C1orf54: variants seen among roughly 807,000 people sequenced by gnomAD.
The protein encoded by C1orf54 is uncharacterized protein C1orf54.
In C1orf54, 12 loss-of-function variants were observed where a neutral mutation model predicts 14.7. The ratio of observed to expected loss-of-function variants is 0.82; its 90% CI spans 0.52 to 1.32. The LOEUF (loss-of-function observed/expected upper bound fraction) is 1.32. C1orf54 is among the 40% of genes most tolerant of loss of function. The pLI is 0.00. For synonymous variants in C1orf54, 65 were observed against 56.3 expected, an observed-to-expected ratio of 1.16 and a Z score of -0.70; for missense variants, 163 against 162.2, an observed-to-expected ratio of 1.00 and a Z score of -0.03.
At chr1:150,280,611 G>T (rs950174697) in intron 5 of C1orf54, among the ~76,000 whole-genome samples, 2 of 152,158 alleles carry the variant, frequency 1.3e-5, no homozygotes, top group South Asian at 4.1e-4. Context: ...TATAGGAAAA[G>T]AATTTTTAAA....
In C1orf54 at chr1:150,274,188, T is replaced by C; in HGVS notation, c.130+18T>C. 1 of 1,572,592 alleles carries C rather than the reference T, an allele frequency of 6.4e-7. No homozygotes were observed. Among genetic ancestry groups the C allele is most frequent in the Non-Finnish European group, 8.7e-7 (1 of 1,143,130 alleles). ...CAGTTATGGTGAGTACATGAAAGGC[T>C]CTTGCCCTTAGCCAACTGGAGAGAG... On this transcript the variant is annotated intron_variant, in intron 2 of 5. Transcript: ENST00000369099.
upstream of C1orf54, among the ~76,000 whole-genome samples, chr1:150,269,878 A>T (rs1553850933): frequency 6.6e-6 from 1 of 152,140 alleles, no homozygotes; most frequent in African/African-American, 2.4e-5. Flanking sequence ...CTCTACTAAA[A>T]ATACAAAAAT....
chr1:150,269,934 G>A (rs781978242), upstream of C1orf54, among the ~76,000 whole-genome samples: 2 of 152,182 alleles, frequency 1.3e-5, no homozygotes, highest in Non-Finnish European at 2.9e-5. Flanking sequence ...CTACCTGGGA[G>A]GCTGAGGGGC....
intron 3 of C1orf54, 51 bp from the exon 4 acceptor site, chr1:150,276,471 T>C (rs1312061892): frequency 2.1e-6 from 3 of 1,438,984 alleles, no homozygotes; most frequent in Non-Finnish European, 2.9e-6. Context: ...TATGAAGATG[T>C]TGGATGGAAA....
At chr1:150,273,003 T>G in intron 1 of C1orf54, 140 bp downstream of exon 1, 1 of 957,482 alleles carries the variant, frequency 1.0e-6, no homozygotes, top group Non-Finnish European at 1.6e-6. Flanking sequence ...GGTCCGGTGT[T>G]GAGGGCAGAA....
intron 4 of C1orf54, among the ~76,000 whole-genome samples, chr1:150,277,364 G>A (rs587712152): frequency 1.3e-5 from 2 of 151,958 alleles, no homozygotes; most frequent in African/African-American, 4.8e-5. Context: ...TTAGCCAGGC[G>A]TGGTGGTGCG....
upstream of C1orf54, among the ~76,000 whole-genome samples, chr1:150,270,832 TAAA>T (rs1652152041): frequency 6.6e-6 from 1 of 150,510 alleles, no homozygotes; most frequent in Non-Finnish European, 1.5e-5. Flanking sequence ...CCGTTTCTAC[TAAA>T]AATACAAAAA....
At chr1:150,269,870 C>G (rs1333096607), upstream of C1orf54, among the ~76,000 whole-genome samples, 1 of 152,028 alleles carries the variant, frequency 6.6e-6, no homozygotes, top group Non-Finnish European at 1.5e-5. Context: ...AACCCCATCT[C>G]TACTAAAAAT....
In C1orf54 at chr1:150,276,586, C is replaced by T. The variant is rs782438074; in HGVS notation, c.254C>T (p.Ala85Val). ...ETTISLETARADHPKPVTVKP... is the reference protein window; with the variant it reads ...ETTISLETARVDHPKPVTVKP... Reference sequence around the variant, plus strand: ...ACCATTAGTCTTGAAACAGCACGTGCAGACCATCCGAAGCCTGTAACTGTG... The same window carrying T: ...ACCATTAGTCTTGAAACAGCACGTGTAGACCATCCGAAGCCTGTAACTGTG... Residue 85 changes from alanine (A) to valine (V), a missense_variant, in exon 4 of 6, where the codon GCA becomes GTA. Ala to Val is a moderately conservative substitution (Grantham distance 64). Transcript: ENST00000369099. The T allele has an allele frequency of 6.2e-6, 10 of 1,613,948 alleles. No homozygotes were observed. Among genetic ancestry groups the T allele is most frequent in the Non-Finnish European group, 8.5e-6 (10 of 1,180,026 alleles).
At position 150,279,640 on chromosome 1, in the gene C1orf54, C is replaced by A; in HGVS notation, c.301-3C>A. 1.2e-6 allele frequency: 2 copies of A among 1,604,708 alleles called. No homozygotes were observed. The highest frequency in any genetic ancestry group is 1.7e-6 in the Non-Finnish European group (2 of 1,175,534). Reference sequence around the variant, plus strand: ...CTGTGTGGGGATGTCGGTATTTTAGCAGAGTCCAGATCTGAACGATGCCGT... The same window carrying A: ...CTGTGTGGGGATGTCGGTATTTTAGAAGAGTCCAGATCTGAACGATGCCGT... On this transcript the variant is annotated splice_region_variant and splice_polypyrimidine_tract_variant and intron_variant, in intron 4 of 5. Coordinates refer to ENST00000369099, the MANE Select transcript of C1orf54 (RefSeq NM_024579.4).
upstream of C1orf54, among the ~76,000 whole-genome samples, chr1:150,270,897 G>A (rs1553851153): frequency 3.3e-5 from 5 of 150,214 alleles, no homozygotes; most frequent in Admixed American, 2.0e-4. Context: ...TCAGGAGGCT[G>A]AGGCAGGAGA....
chr1:150,273,622 C>T (rs1652387201), intron 1 of C1orf54, among the ~76,000 whole-genome samples: 1 of 152,134 alleles, frequency 6.6e-6, no homozygotes, highest in Non-Finnish European at 1.5e-5. Flanking sequence ...ATTCTGTTAG[C>T]AGTGAAGGTG....
intron 1 of C1orf54, 85 bp downstream of exon 1, chr1:150,272,948 A>G (rs1190012124): frequency 1.2e-5 from 17 of 1,451,760 alleles, no homozygotes; most frequent in Non-Finnish European, 1.6e-5. Flanking sequence ...AGTGGGTGAG[A>G]GGTACATTTC....
chr1:150,276,694 A>G, intron 4 of C1orf54, 62 bp downstream of exon 4: 2 of 1,300,292 alleles, frequency 1.5e-6, no homozygotes, highest in Non-Finnish European at 2.2e-6. Flanking sequence ...CGTGGAATAC[A>G]TAGAGGGCTG....
chr1:150,278,774 G>A (rs1231287284), intron 4 of C1orf54, among the ~76,000 whole-genome samples: 1 of 152,164 alleles, frequency 6.6e-6, no homozygotes, highest in Non-Finnish European at 1.5e-5. Flanking sequence ...CTAGATTTTT[G>A]TGGAGTTAAA....
intron 2 of C1orf54, among the ~76,000 whole-genome samples, chr1:150,275,224 G>C (rs1468191523): frequency 6.6e-6 from 1 of 152,052 alleles, no homozygotes; most frequent in Non-Finnish European, 1.5e-5. Flanking sequence ...CTTTAGTAGA[G>C]ACAAGGTGTC....
intron 1 of C1orf54, 101 bp downstream of exon 1, chr1:150,272,964 G>A (rs1553851589): frequency 1.5e-6 from 2 of 1,309,748 alleles, no homozygotes; most frequent in Admixed American, 1.7e-5. Context: ...ATTTCAGTGG[G>A]GAGCGATAGA....
chr1:150,276,592 A>C lies in C1orf54; in HGVS notation c.260A>C (p.His87Pro). 3.7e-6 allele frequency: 6 copies of C among 1,614,200 alleles called. No individual in the cohort carries two copies. Among genetic ancestry groups the C allele is most frequent in the Non-Finnish European group, 5.1e-6 (6 of 1,180,040 alleles). The change falls in exon 4 of 6, where the codon CAT becomes CCT. Residue 87 changes from histidine (H) to proline (P), a missense_variant. Coordinates refer to ENST00000369099, the MANE Select transcript of C1orf54 (RefSeq NM_024579.4). ...AGTCTTGAAACAGCACGTGCAGACC[A>C]TCCGAAGCCTGTAACTGTGAAACCA... The part of the protein sequence containing the change: ...TISLETARAD[H>P]PKPVTVKPVT...
rs1437979320 is a variant in C1orf54 at position 150,276,919 on chromosome 1, A to T, written c.300+287A>T. ...AGGTAACTGATGCTGATAAAAAAGA[A>T]ATCTATGTTACTGTCCTCAAGGATT... is the stretch of plus-strand genomic sequence containing the variant. On this transcript the variant is annotated intron_variant, in intron 4 of 5. Transcript: ENST00000369099. 2.9e-5 allele frequency among the ~76,000 whole-genome samples: 4 copies of T among 139,152 alleles called. No homozygotes were observed. The East Asian group carries it at 8.4e-4, about 29-fold the overall frequency. 91.3% of individuals were successfully genotyped at this position (139,152 alleles called of 152,430 possible). A position where few individuals can be genotyped will look rare whatever the true frequency, so the allele number is the denominator to read the frequency against.
Sources: allele counts gnomAD v4.1 joint callset (sites outside exome capture counted in the v4.1 genomes callset), GRCh38; gene constraint gnomAD v4.1.1; transcripts MANE v1.5; gene names NCBI Gene and HGNC (gene_info 2026-07-23, HGNC 2026-07-21).